SLC26A8: variants seen among roughly 807,000 people sequenced by gnomAD.
SLC26A8 encodes solute carrier family 26 member 8.
In SLC26A8, 70 loss-of-function variants were observed where a neutral mutation model predicts 105.0. That is an observed-to-expected ratio of 0.67 (90% CI 0.55 to 0.81). The LOEUF is 0.81. SLC26A8 is among the 40% of genes least tolerant of loss of function. The probability of loss-of-function intolerance (pLI) is 0.00; values close to 1 mark genes in which losing one functional copy is unlikely to be tolerated. For missense variants in SLC26A8, 998 were observed against 1,181.8 expected (o/e 0.84, Z 2.28); for synonymous variants, 415 against 438.3 (o/e 0.95, Z 0.66).
chr6:35,953,754 A>G (rs1007424271), intron 17 of SLC26A8, among the ~76,000 whole-genome samples: 1 of 152,226 alleles, frequency 6.6e-6, no homozygotes, highest in Non-Finnish European at 1.5e-5. Flanking sequence ...ACGGAGACCC[A>G]GTTCAATTTA....
At chr6:35,962,974 T>C (rs1772373737) in intron 11 of SLC26A8, among the ~76,000 whole-genome samples, 1 of 152,140 alleles carries the variant, frequency 6.6e-6, no homozygotes, top group Non-Finnish European at 1.5e-5. Context: ...ATTTTGTCTC[T>C]ACATTTTTCT....
At chr6:35,961,126 A>G (rs765808796) in intron 12 of SLC26A8, 27 bp from the exon 13 acceptor site, 1 of 1,573,784 alleles carries the variant, frequency 6.4e-7, no homozygotes, top group Non-Finnish European at 8.7e-7. Context: ...TGAGGGGAAA[A>G]TGATCATGAA....
At chr6:35,996,358 C>T (rs191599014) in intron 5 of SLC26A8, among the ~76,000 whole-genome samples, 1 of 152,238 alleles carries the variant, frequency 6.6e-6, no homozygotes, top group Non-Finnish European at 1.5e-5. Context: ...AGTAGATGAA[C>T]TTTTGGTGAT....
chr6:35,947,232 TGTTGGCCAGGCTG>T (rs1391190772), intron 19 of SLC26A8, among the ~76,000 whole-genome samples: 22 of 152,040 alleles, frequency 1.4e-4, no homozygotes, highest in Non-Finnish European at 4.4e-5. Context: ...GGTTTTGTCA[TGTTGGCCAGGCTG>T]GTCTCAAACT....
At position 35,981,217 on chromosome 6, in the gene SLC26A8, G is replaced by A. The variant is rs541566537; in HGVS notation, c.1025+904C>T. ...TAAAAAAAATAATTTCCTAACAGAA[G>A]CAAGAGCCATGCCTCATAGTCACTG... is the stretch of plus-strand genomic sequence containing the variant. On this transcript the variant is annotated intron_variant, in intron 8 of 19. Coordinates refer to ENST00000490799, the MANE Select transcript of SLC26A8 (RefSeq NM_052961.4). This position sits in a 1 kb window ranked among gnomAD's most constrained non-coding sequence, Gnocchi z 4.0. Among the ~76,000 whole-genome samples, 26 of 152,232 alleles carry A rather than the reference G, an allele frequency of 1.7e-4. No individual in the cohort carries two copies. Among genetic ancestry groups the A allele is most frequent in the African/African-American group, 6.3e-4 (26 of 41,542 alleles).
rs1772012344 is a variant in SLC26A8, at chr6:35,955,230, C to T, written c.2154G>A (p.Leu718=). The T allele has an allele frequency of 1.2e-6, 2 of 1,614,144 alleles. No homozygotes were observed. The highest frequency in any genetic ancestry group is 1.7e-6 in the Non-Finnish European group (2 of 1,180,030). ...CCAGGATGATGGTGTGGACACTGGG[C>T]AGTAGAGACGCATCTGAGTAAGGGA... The part of the protein sequence containing the change: ...SLIPYSDASL[L]PSVHTIILDF... The change falls in exon 17 of 20, where the codon CTG becomes CTA. Residue 718 remains leucine (L), a synonymous_variant. Coordinates refer to ENST00000490799, the MANE Select transcript of SLC26A8 (RefSeq NM_052961.4).
At chr6:35,953,381 T>C (rs1445186490) in intron 17 of SLC26A8, among the ~76,000 whole-genome samples, 2 of 129,738 alleles carry the variant, frequency 1.5e-5, no homozygotes, top group African/African-American at 6.6e-5. Context: ...AGTCAGATAC[T>C]TAAAAGTTTC....
chr6:35,993,818 G>A (rs186889272), intron 5 of SLC26A8, among the ~76,000 whole-genome samples: 8 of 152,196 alleles, frequency 5.3e-5, no homozygotes, highest in Admixed American at 5.2e-4. Flanking sequence ...TTGAGCTCAG[G>A]AATTTGAGAT....
intron 1 of SLC26A8, among the ~76,000 whole-genome samples, chr6:36,021,766 A>G (rs1188887552): frequency 1.3e-5 from 2 of 152,072 alleles, no homozygotes; most frequent in African/African-American, 4.8e-5. Flanking sequence ...ACGTATACAT[A>G]TAAATATATA....
At chr6:35,985,567 C>A (rs1284790564) in intron 7 of SLC26A8, among the ~76,000 whole-genome samples, 1 of 151,794 alleles carries the variant, frequency 6.6e-6, no homozygotes, top group African/African-American at 2.4e-5. Flanking sequence ...GTGGTGTGTA[C>A]CTGTAATCCC....
intron 17 of SLC26A8, among the ~76,000 whole-genome samples, chr6:35,951,977 T>C (rs1167461511): frequency 6.6e-6 from 1 of 152,198 alleles, no homozygotes; most frequent in African/African-American, 2.4e-5. Context: ...AGTGGAGTTC[T>C]CTATGCCGGA....
intron 17 of SLC26A8, among the ~76,000 whole-genome samples, chr6:35,951,805 T>C (rs555669374): frequency 6.6e-6 from 1 of 152,348 alleles, no homozygotes; most frequent in African/African-American, 2.4e-5. Flanking sequence ...CTCAAACTCC[T>C]GACTTCGTGA....
At chr6:35,960,968 C>G in intron 13 of SLC26A8, 25 bp downstream of exon 13, 1 of 1,613,738 alleles carries the variant, frequency 6.2e-7, no homozygotes, top group Non-Finnish European at 8.5e-7. Flanking sequence ...GCCTTGTTAA[C>G]CTCCTATTAC....
rs879776431 is a variant in SLC26A8 at position 36,019,436 on chromosome 6, G to GA, written c.188+83dup. 2.0e-5 allele frequency: 27 copies of GA among 1,383,344 alleles called. No homozygotes were observed. The Admixed American group carries it at 7.2e-4, about 37-fold the overall frequency. 85.7% of individuals were successfully genotyped at this position (1,383,344 alleles called of 1,614,324 possible). A position where few individuals can be genotyped will look rare whatever the true frequency, so the allele number is the denominator to read the frequency against. On this transcript the variant is annotated intron_variant, in intron 2 of 19. Transcript: ENST00000490799. The stretch of plus-strand genomic sequence containing the variant: ...ATTCTGATTACAGGAACTCAGACAA[G>GA]AAAGAGAAACGGACCCCAAAGGAGT...
chr6:35,991,639 G>A lies in SLC26A8; in HGVS notation c.942+20C>T, dbSNP rs1761163011. ...CTAAAATTATGCAAACTATGAATTT[G>A]AGACATCAAAAACACCTACCAGAAA... On this transcript the variant is annotated intron_variant, in intron 7 of 19. Transcript: ENST00000490799. The A allele has an allele frequency of 1.3e-6, 2 of 1,502,268 alleles. No homozygotes were observed. Among genetic ancestry groups the A allele is most frequent in the Admixed American group, 2.4e-5 (1 of 42,186 alleles). 93.1% of individuals were successfully genotyped at this position (1,502,268 alleles called of 1,614,324 possible).
At chr6:35,987,378 C>T (rs1208131341) in intron 7 of SLC26A8, among the ~76,000 whole-genome samples, 21 of 152,192 alleles carry the variant, frequency 1.4e-4, no homozygotes. Flanking sequence ...ATTCCATTTC[C>T]TTTTCTTTTT....
intron 6 of SLC26A8, 88 bp downstream of exon 6, chr6:35,992,422 G>T: frequency 2.9e-6 from 4 of 1,370,250 alleles, no homozygotes; most frequent in Non-Finnish European, 4.0e-6. Flanking sequence ...TTTCAGAAGG[G>T]GCGGGAGTCT....
intron 17 of SLC26A8, among the ~76,000 whole-genome samples, chr6:35,951,810 T>C (rs1771883118): frequency 6.6e-6 from 1 of 152,202 alleles, no homozygotes; most frequent in Non-Finnish European, 1.5e-5. Flanking sequence ...ACTCCTGACT[T>C]CGTGATCTGC....
At chr6:35,950,089 G>A (rs1026828442) in intron 19 of SLC26A8, among the ~76,000 whole-genome samples, 2 of 150,318 alleles carry the variant, frequency 1.3e-5, no homozygotes, top group African/African-American at 2.4e-5. Context: ...GAGCCATCTC[G>A]CCCGCCCGTT....
Sources: allele counts gnomAD v4.1 joint callset (sites outside exome capture counted in the v4.1 genomes callset), GRCh38; gene constraint gnomAD v4.1.1; non-coding constraint Gnocchi (gnomAD v3.1); transcripts MANE v1.5; gene names NCBI Gene and HGNC (gene_info 2026-07-23, HGNC 2026-07-21).